The following IFT172 variants were observed in gnomAD, a reference collection of about 807,000 sequenced individuals.
The protein encoded by IFT172 is intraflagellar transport 172.
Under a neutral mutation model 248.9 loss-of-function variants are expected in IFT172, and 164 were observed. The observed-to-expected ratio is 0.66, with a 90% CI of 0.58 to 0.75. The LOEUF is 0.75. Ranked by LOEUF, IFT172 falls within the 30% of genes least tolerant of loss-of-function variation. The pLI is 0.00. For synonymous variants in IFT172, 729 were observed against 791.6 expected (o/e 0.92, Z 1.33); for missense variants, 1,950 against 2,192.4 (o/e 0.89, Z 2.21).
chr2:27,450,602 T>C (rs1216147686), intron 35 of IFT172, among the ~76,000 whole-genome samples: 1 of 152,178 alleles, frequency 6.6e-6, no homozygotes, highest in African/African-American at 2.4e-5. Context: ...TTTTATTTAA[T>C]TTTTTTAAGA....
At chr2:27,480,937 T>A (rs1337135112) in intron 8 of IFT172, 109 bp downstream of exon 8, 3 of 792,492 alleles carry the variant, frequency 3.8e-6, no homozygotes, top group East Asian at 5.1e-5. Flanking sequence ...ATTACATACA[T>A]ACATTTGATT....
rs1210556175 is a variant in IFT172, at chr2:27,489,696, C to T, written c.-43G>A. The T allele has an allele frequency of 1.9e-6, 3 of 1,538,586 alleles. No homozygotes were observed. Among genetic ancestry groups the T allele is most frequent in the Non-Finnish European group, 2.7e-6 (3 of 1,119,438 alleles). On this transcript the variant is annotated 5_prime_UTR_variant, in exon 1 of 48. Transcript: ENST00000260570. Reference sequence around the variant, plus strand: ...CAGATGCTCCTAGACAGCGACAACTCCCGTGGTTACCTGGACAACCCGCCA... The same window carrying T: ...CAGATGCTCCTAGACAGCGACAACTTCCGTGGTTACCTGGACAACCCGCCA...
intron 9 of IFT172, among the ~76,000 whole-genome samples, 199 bp from the exon 10 acceptor site, chr2:27,479,803 AAG>A (rs773780317): frequency 8.0e-4 from 122 of 152,298 alleles, no homozygotes; most frequent in Non-Finnish European, 1.3e-3. Context: ...AATGGGATAA[AAG>A]GGAAAAACTA....
intron 14 of IFT172, among the ~76,000 whole-genome samples, chr2:27,474,830 GC>G (rs1237589582): frequency 6.6e-6 from 1 of 151,856 alleles, no homozygotes; most frequent in Admixed American, 6.6e-5. Context: ...GGGATTACAG[GC>G]ATAAGTCACT....
At chr2:27,477,134 G>T in intron 13 of IFT172, 83 bp downstream of exon 13, 1 of 1,249,832 alleles carries the variant, frequency 8.0e-7, no homozygotes, top group Non-Finnish European at 1.2e-6. Flanking sequence ...TGAAGCTTTT[G>T]GATTAACTGG....
chr2:27,466,945 T>C (rs1453346854), intron 16 of IFT172, among the ~76,000 whole-genome samples: 2 of 151,782 alleles, frequency 1.3e-5, no homozygotes, highest in African/African-American at 4.8e-5. Context: ...AGCCCAGGAG[T>C]TTGCTCATGC....
intron 20 of IFT172, 113 bp from the exon 21 acceptor site, chr2:27,461,949 T>A: frequency 9.7e-7 from 1 of 1,030,818 alleles, no homozygotes; most frequent in Non-Finnish European, 1.5e-6. Context: ...AAAAGCCTTT[T>A]AACTACTATA....
At chr2:27,458,244 G>C (rs1344680971) in intron 26 of IFT172, 21 bp from the exon 27 acceptor site, 1 of 1,602,478 alleles carries the variant, frequency 6.2e-7, no homozygotes, top group Non-Finnish European at 8.6e-7. Flanking sequence ...ACAGAGGCAA[G>C]GCAGCCTCAG....
chr2:27,468,844 G>A (rs1459896125), intron 16 of IFT172, among the ~76,000 whole-genome samples: 6 of 135,382 alleles, frequency 4.4e-5, no homozygotes, highest in African/African-American at 1.1e-4. Flanking sequence ...GCGACACTCC[G>A]TCTCAAAAAA....
In IFT172 at chr2:27,445,393, C is replaced by T; in HGVS notation, c.4971G>A (p.Arg1657=). Residue 1657 remains arginine, a synonymous_variant, in exon 46 of 48, where the codon CGG becomes CGA. Transcript: ENST00000260570. This position sits in a 1 kb window ranked among gnomAD's most constrained non-coding sequence, Gnocchi z 4.4. ...DWVLTVSMDQ[R]LEQVLPRDER... is the part of the protein sequence containing the mutation. Reference sequence around the variant, plus strand: ...CATCCCGAGGCAGAACCTGCTCCAGCCGCTGGTCCATGGAGACTGTAAGCA... The same window carrying T: ...CATCCCGAGGCAGAACCTGCTCCAGTCGCTGGTCCATGGAGACTGTAAGCA... 2 of 1,612,790 alleles carry T rather than the reference C, an allele frequency of 1.2e-6. No homozygotes were observed. The highest frequency in any genetic ancestry group is 1.7e-6 in the Non-Finnish European group (2 of 1,179,560).
At chr2:27,486,555 C>T (rs1668775470) in intron 1 of IFT172, among the ~76,000 whole-genome samples, 1 of 152,220 alleles carries the variant, frequency 6.6e-6, no homozygotes, top group Non-Finnish European at 1.5e-5. Flanking sequence ...TGACACTTTA[C>T]ACTCCAAACT....
rs1277958848 is a variant in IFT172, at chr2:27,445,911, C to G, written c.4815+18G>C. 8.7e-6 allele frequency: 14 copies of G among 1,614,114 alleles called. No homozygotes were observed. Among genetic ancestry groups the G allele is most frequent in the Non-Finnish European group, 1.2e-5 (14 of 1,180,038 alleles). On this transcript the variant is annotated intron_variant, in intron 44 of 47. Coordinates refer to ENST00000260570, the MANE Select transcript of IFT172 (RefSeq NM_015662.3). The surrounding 1 kb of genome is among the most constrained non-coding windows in gnomAD (Gnocchi z 4.4). ...CTGGCAAAAACCTCCACCCTCGGGG[C>G]ACAGCTTCCCTACTCACATCGGTCA...
At chr2:27,458,001 C>G in intron 27 of IFT172, 25 bp from the exon 28 acceptor site, 4 of 1,614,010 alleles carry the variant, frequency 2.5e-6, no homozygotes, top group Non-Finnish European at 3.4e-6. Flanking sequence ...ACATCTGGGG[C>G]CTCCTAGACC....
At chr2:27,479,368 C>A in intron 10 of IFT172, 141 bp downstream of exon 10, 1 of 639,030 alleles carries the variant, frequency 1.6e-6, no homozygotes, top group Non-Finnish European at 2.9e-6. Flanking sequence ...GTTGCCCTGA[C>A]ATATTCTGTT....
At chr2:27,466,026 T>C in intron 16 of IFT172, 144 bp from the exon 17 acceptor site, 3 of 916,132 alleles carry the variant, frequency 3.3e-6, no homozygotes, top group Non-Finnish European at 3.4e-6. Context: ...TTAGTTTCTC[T>C]CAAGCATAAA....
chr2:27,482,765 C>CT (rs1668479202), intron 7 of IFT172, among the ~76,000 whole-genome samples: 1 of 152,014 alleles, frequency 6.6e-6, no homozygotes, highest in Admixed American at 6.6e-5. Context: ...TTTCATTACT[C>CT]TAAGAGTTTT....
At chr2:27,469,253 C>T (rs1667365294) in intron 16 of IFT172, among the ~76,000 whole-genome samples, 2 of 151,934 alleles carry the variant, frequency 1.3e-5, no homozygotes, top group Non-Finnish European at 2.9e-5. Flanking sequence ...ATTAGCCAGG[C>T]ATGGTGGCAC....
At position 27,456,515 on chromosome 2, in the gene IFT172, T is replaced by A. The variant is rs1466577551; in HGVS notation, c.3367A>T (p.Asn1123Tyr). 1 of 1,613,066 alleles carries A rather than the reference T, an allele frequency of 6.2e-7. No homozygotes were observed. Among genetic ancestry groups the A allele is most frequent in the African/African-American group, 1.3e-5 (1 of 74,900 alleles). Residue 1123 changes from asparagine (N) to tyrosine (Y), a missense_variant, in exon 30 of 48, where the codon AAT (asparagine) becomes TAT (tyrosine). Around this residue, in one of 3 missense-constraint regions of IFT172, gnomAD observed 164 missense variants for 239.3 expected, o/e 0.69. Transcript: ENST00000260570. ...AGAGAAAGCTTGGGGCCTCACCAAT[T>A]GTCTGCAGCGTGGTCAACAGCAGCT... ...LEAAVDHAAD[N>Y]CSFEFAFELS...
At chr2:27,453,341 G>A in intron 35 of IFT172, 43 bp downstream of exon 35, 1 of 1,612,730 alleles carries the variant, frequency 6.2e-7, no homozygotes, top group East Asian at 2.2e-5. Flanking sequence ...TGTGAATAGA[G>A]GCCTAGGGAG....
Sources: gnomAD v4.1 joint callset for allele counts (sites outside exome capture counted in the v4.1 genomes callset) on GRCh38, gnomAD v4.1.1 for gene constraint, gnomAD v4.1.1 regional missense constraint, Gnocchi (gnomAD v3.1) non-coding constraint, MANE v1.5 for transcripts, NCBI Gene and HGNC (gene_info 2026-07-23, HGNC 2026-07-21) for gene names.